Variants in SULT2A1 observed in about 807,000 individuals in gnomAD.
The protein encoded by SULT2A1 is sulfotransferase 2A1.
In SULT2A1, 43 loss-of-function variants were observed where a neutral mutation model predicts 33.9. The observed-to-expected ratio is 1.27, with a 90% CI of 1.00 to 1.64. The LOEUF is 1.64. Ranked by LOEUF, SULT2A1 falls within the 40% of genes most tolerant of loss-of-function variation. The pLI, the probability that SULT2A1 is intolerant of heterozygous loss-of-function variation, is 0.00. For synonymous variants in SULT2A1, 125 were observed against 113.6 expected, an observed-to-expected ratio of 1.10 and a Z score of -0.64; for missense variants, 300 against 335.1, an observed-to-expected ratio of 0.90 and a Z score of 0.82.
In SULT2A1 at chr19:47,871,079, T is replaced by A. The variant is rs1968485928; in HGVS notation, c.*376A>T. ...GGATGGTCTCGATCTCCTGACCCCGTGATCCTCCCCCACCCCCCCGACCTC... is the reference window on the plus strand; with the variant it reads ...GGATGGTCTCGATCTCCTGACCCCGAGATCCTCCCCCACCCCCCCGACCTC... On this transcript the variant is annotated 3_prime_UTR_variant, in exon 6 of 6. Transcript: ENST00000222002. The A allele has an allele frequency of 5.8e-6, 1 of 173,118 alleles. No individual in the cohort carries two copies. Among genetic ancestry groups the A allele is most frequent in the South Asian group, 1.5e-4 (1 of 6,812 alleles). The allele number at this position is 173,118 out of a possible 1,614,324, so 10.7% of individuals were successfully genotyped here.
chr19:47,884,936 C>T (rs771811932), intron 1 of SULT2A1, among the ~76,000 whole-genome samples: 4 of 151,608 alleles, frequency 2.6e-5, no homozygotes, highest in African/African-American at 4.8e-5. Context: ...GTCAGCCTCC[C>T]GAGTAGCTGG....
rs747830812 is a variant in SULT2A1 at position 47,886,117 on chromosome 19, C to T, written c.136+5G>A. The stretch of plus-strand genomic sequence containing the variant: ...CTTTCTCAGTTCACGATTCTGCCTC[C>T]TTACCTGATTTGGGGTAAGTCAATA... On this transcript the variant is annotated splice_donor_5th_base_variant and intron_variant, in intron 1 of 5. Coordinates refer to ENST00000222002, the MANE Select transcript of SULT2A1 (RefSeq NM_003167.4). 1.2e-6 allele frequency: 2 copies of T among 1,613,330 alleles called. No individual in the cohort carries two copies. The highest frequency in any genetic ancestry group is 2.7e-5 in the African/African-American group (2 of 74,940).
chr19:47,874,556 A>AAC, intron 5 of SULT2A1, 101 bp downstream of exon 5: 3 of 981,834 alleles, frequency 3.1e-6, no homozygotes, highest in East Asian at 5.5e-5. Context: ...AAAAAAAAAA[A>AAC]AAAAGCACTC....
At chr19:47,880,533 C>G (rs1968593493) in intron 3 of SULT2A1, among the ~76,000 whole-genome samples, 1 of 151,424 alleles carries the variant, frequency 6.6e-6, no homozygotes, top group South Asian at 2.1e-4. Context: ...TTAAGATGGT[C>G]TCTCTTAGCA....
At chr19:47,873,096 T>A (rs555875046) in intron 5 of SULT2A1, among the ~76,000 whole-genome samples, 1 of 151,714 alleles carries the variant, frequency 6.6e-6, no homozygotes, top group Non-Finnish European at 1.5e-5. Flanking sequence ...AGACTCTGGG[T>A]CTTTTGAAGG....
rs71181611 is a variant in SULT2A1 at position 47,884,804 on chromosome 19, CTTTTTTTT to C, written c.137-1027_137-1020del. Among the ~76,000 whole-genome samples the C allele has an allele frequency of 3.2e-3, 206 of 64,040 alleles. 4 individuals are homozygous for C. The Admixed American group carries it at 0.044, about 14-fold the overall frequency. 42.0% of individuals were successfully genotyped at this position (64,040 alleles called of 152,430 possible). Reference sequence around the variant, plus strand: ...AGCCACTGCAGCCAGCTCTCAACCACTTTTTTTTTTTTTTTTTTTTTTTTTTGAGACAG... The same window carrying C: ...AGCCACTGCAGCCAGCTCTCAACCACTTTTTTTTTTTTTTTTTTGAGACAG... On this transcript the variant is annotated intron_variant, in intron 1 of 5. Transcript: ENST00000222002.
At position 47,883,559 on chromosome 19, in the gene SULT2A1, T is replaced by C; in HGVS notation, c.345+18A>G. On this transcript the variant is annotated intron_variant, in intron 2 of 5. Transcript: ENST00000222002. The stretch of plus-strand genomic sequence containing the variant: ...TGAAAGGCACTGATCAAACACGTCT[T>C]AACCATTATGCACTGACCTTGGCCT... 6.2e-7 allele frequency: 1 copy of C among 1,612,362 alleles called. No homozygotes were observed.
At chr19:47,883,505 T>G in intron 2 of SULT2A1, 72 bp downstream of exon 2, 1 of 1,447,698 alleles carries the variant, frequency 6.9e-7, no homozygotes. Context: ...CAGCAAGATC[T>G]CCAGATGACT....
Position 47,874,585 on chromosome 19 carries a change from C to T in SULT2A1, c.745+72G>A, listed in dbSNP as rs142966264. The T allele has an allele frequency of 1.7e-4, 176 of 1,029,612 alleles. No homozygotes were observed. In the African/African-American group the frequency reaches 2.3e-3, roughly 13 times the overall value. The allele number at this position is 1,029,612 out of a possible 1,614,324, so 63.8% of individuals were successfully genotyped here. On this transcript the variant is annotated intron_variant, in intron 5 of 5. Coordinates refer to ENST00000222002, the MANE Select transcript of SULT2A1 (RefSeq NM_003167.4). ...AGCACTCTTTCATCTCAACTGTTAG[C>T]GCCCAGTTGTGACCATAGGCATGCA...
intron 2 of SULT2A1, among the ~76,000 whole-genome samples, chr19:47,882,917 A>AAATAAT (rs376365797): frequency 1.3e-5 from 2 of 151,822 alleles, no homozygotes; most frequent in African/African-American, 4.8e-5. Context: ...CTGTGTCTCA[A>AAATAAT]AATAATAATA....
intron 1 of SULT2A1, among the ~76,000 whole-genome samples, chr19:47,885,129 C>A (rs1968643813): frequency 6.6e-6 from 1 of 152,108 alleles, no homozygotes; most frequent in Admixed American, 6.6e-5. Flanking sequence ...ACTTTTAAGC[C>A]TACGGTTTCG....
At chr19:47,878,842 G>GGAGCT (rs1968574066) in intron 4 of SULT2A1, among the ~76,000 whole-genome samples, 194 bp downstream of exon 4, 1 of 151,806 alleles carries the variant, frequency 6.6e-6, no homozygotes. Flanking sequence ...AATAAGGAGC[G>GGAGCT]TGAAGCTTGG....
chr19:47,872,921 A>G (rs1013019655), intron 5 of SULT2A1, among the ~76,000 whole-genome samples: 2 of 151,630 alleles, frequency 1.3e-5, no homozygotes, highest in Non-Finnish European at 2.9e-5. Context: ...GCCACCACAC[A>G]TGGCTAATTT....
chr19:47,879,078 C>T lies in SULT2A1; in HGVS notation c.525G>A (p.Glu175=). ...DHIHGWMPMR[E]EKNFLLLSYE... ...AACTCAGTAACAGGAAGTTTTTCTC[C>T]TCTCTCATGGGCATCCAGCCATGAA... Residue 175 remains glutamate, a synonymous_variant, in exon 4 of 6, where the codon GAG becomes GAA. Transcript: ENST00000222002. 1 of 1,613,892 alleles carries T rather than the reference C, an allele frequency of 6.2e-7. No homozygotes were observed. The highest frequency in any genetic ancestry group is 2.2e-5 in the East Asian group (1 of 44,870).
chr19:47,873,146 A>G (rs934757118), intron 5 of SULT2A1, among the ~76,000 whole-genome samples: 5 of 152,018 alleles, frequency 3.3e-5, no homozygotes, highest in Non-Finnish European at 7.4e-5. Flanking sequence ...TCCCAGATGT[A>G]TTAGAACTGT....
intron 4 of SULT2A1, among the ~76,000 whole-genome samples, chr19:47,877,791 T>C (rs535086056): frequency 1.3e-5 from 2 of 152,262 alleles, no homozygotes; most frequent in South Asian, 2.1e-4. Flanking sequence ...ACTCAAGCCA[T>C]CCACCTGCCT....
intron 1 of SULT2A1, among the ~76,000 whole-genome samples, chr19:47,884,110 AAAAAACAAAAAC>A (rs893598677): frequency 1.3e-5 from 2 of 150,788 alleles, no homozygotes; most frequent in African/African-American, 4.8e-5. Context: ...GTCTCAAAAA[AAAAAACAAAAAC>A]AAAAACAAAA....
At position 47,882,127 on chromosome 19, in the gene SULT2A1, T is replaced by C. The variant is rs535689179; in HGVS notation, c.429A>G (p.Pro143=). ...FWKNMKFIKK[P]KSWEEYFEWF... ...ATTCAAAATATTCTTCCCATGACTT[T>C]GGTTTCTTAATAAACTTCATGTTTT... The change falls in exon 3 of 6, where the codon CCA becomes CCG. Residue 143 remains proline (P), a synonymous_variant. Transcript: ENST00000222002. 2.4e-5 allele frequency: 39 copies of C among 1,614,030 alleles called. No individual in the cohort carries two copies. Among genetic ancestry groups the C allele is most frequent in the Middle Eastern group, 3.3e-4 (2 of 6,060 alleles).
rs778559629 is a variant in SULT2A1, at chr19:47,874,805, A to G, written c.597T>C (p.Cys199=). 19 of 1,614,110 alleles carry G rather than the reference A, an allele frequency of 1.2e-5. No homozygotes were observed. The highest frequency in any genetic ancestry group is 1.7e-5 in the Admixed American group (1 of 59,992). ...GTTCTAACGTCTTTCCCAGGAATTGACAGATCTTCTCTATGGTTCTTCCTG... is the reference window on the plus strand; with the variant it reads ...GTTCTAACGTCTTTCCCAGGAATTGGCAGATCTTCTCTATGGTTCTTCCTG... ...QDTGRTIEKI[C]QFLGKTLEPE... The change falls in exon 5 of 6, where the codon TGT becomes TGC. Residue 199 remains cysteine (C), a synonymous_variant. Transcript: ENST00000222002.
Sources: allele counts gnomAD v4.1 joint callset (sites outside exome capture counted in the v4.1 genomes callset), GRCh38; gene constraint gnomAD v4.1.1; transcripts MANE v1.5; gene names NCBI Gene and HGNC (gene_info 2026-07-23, HGNC 2026-07-21).